The following GKAP1 variants were observed in gnomAD, a reference collection of about 807,000 sequenced individuals.
GKAP1 encodes G kinase-anchoring protein 1.
Under a neutral mutation model 56.7 loss-of-function variants are expected in GKAP1, and 31 were observed. The ratio of observed to expected loss-of-function variants is 0.55; its 90% CI spans 0.41 to 0.74. GKAP1 has a LOEUF of 0.74. Ranked by LOEUF, GKAP1 falls within the 30% of genes least tolerant of loss-of-function variation. GKAP1 has a pLI of 0.00. For missense variants in GKAP1, 364 were observed against 402.3 expected, an observed-to-expected ratio of 0.90 and a Z score of 0.82; for synonymous variants, 151 against 138.6, an observed-to-expected ratio of 1.09 and a Z score of -0.63.
intron 3 of GKAP1, among the ~76,000 whole-genome samples, chr9:83,804,885 G>T (rs1158889064): frequency 2.7e-5 from 4 of 150,572 alleles, no homozygotes; most frequent in African/African-American, 7.4e-5. Flanking sequence ...CCCCGTCCGG[G>T]AGGTGAGGGG....
intron 8 of GKAP1, among the ~76,000 whole-genome samples, chr9:83,756,915 A>C (rs753446118): frequency 2.5e-4 from 38 of 152,310 alleles, no homozygotes; most frequent in Non-Finnish European, 4.7e-4. Flanking sequence ...ATGTATACTC[A>C]TTTTCAATGA....
chr9:83,806,984 G>A (rs1487948306), intron 2 of GKAP1, among the ~76,000 whole-genome samples: 1 of 152,104 alleles, frequency 6.6e-6, no homozygotes, highest in Non-Finnish European at 1.5e-5. Flanking sequence ...AAAAAAAGGA[G>A]TAAAGACGGA....
intron 8 of GKAP1, 87 bp downstream of exon 8, chr9:83,768,731 A>G: frequency 9.0e-7 from 1 of 1,108,118 alleles, no homozygotes; most frequent in Non-Finnish European, 1.3e-6. Flanking sequence ...TACAATCATA[A>G]TTTGATTCTA....
chr9:83,742,053 A>G, intron 11 of GKAP1, 24 bp from the exon 12 acceptor site: 2 of 1,524,478 alleles, frequency 1.3e-6, no homozygotes, highest in Non-Finnish European at 1.8e-6. Flanking sequence ...TTCAATAAGA[A>G]AAAGAATTTT....
At chr9:83,772,574 CA>C (rs554478995) in intron 7 of GKAP1, among the ~76,000 whole-genome samples, 2 of 152,024 alleles carry the variant, frequency 1.3e-5, no homozygotes, top group African/African-American at 4.8e-5. Context: ...TTTTGTGCTT[CA>C]AAAGACACAA....
At chr9:83,804,643 T>C (rs1189778642) in intron 3 of GKAP1, among the ~76,000 whole-genome samples, 62 of 89,522 alleles carry the variant, frequency 6.9e-4, no homozygotes, top group Admixed American at 9.9e-4. Context: ...GCCCCCCGCC[T>C]GGCCAGCCGC....
chr9:83,806,353 T>G lies in GKAP1; in HGVS notation c.165A>C (p.Lys55Asn). 6.4e-7 allele frequency: 1 copy of G among 1,559,668 alleles called. No individual in the cohort carries two copies. Among genetic ancestry groups the G allele is most frequent in the Non-Finnish European group, 8.7e-7 (1 of 1,151,028 alleles). The change falls in exon 3 of 13, where the codon AAA becomes AAC. Residue 55 changes from lysine (K) to asparagine (N), a missense_variant. By Grantham distance (94) the Lys-to-Asn change is moderately conservative. Transcript: ENST00000376371. ...CCTTCTTTTTTCTTCTTTTCTCTCT[T>G]TTTTTCTCATTTGTAGTTGACTTGC... is the stretch of plus-strand genomic sequence containing the variant. Reference protein sequence around the residue: ...LGSKSTTNEKKREKRRKKKEQ... With the variant: ...LGSKSTTNEKNREKRRKKKEQ...
intron 5 of GKAP1, among the ~76,000 whole-genome samples, chr9:83,787,304 A>G (rs1944081379): frequency 6.6e-6 from 1 of 152,128 alleles, no homozygotes; most frequent in Non-Finnish European, 1.5e-5. Flanking sequence ...TGGGATGATC[A>G]TAGCTCACTG....
At chr9:83,801,851 T>G (rs904269443) in intron 3 of GKAP1, among the ~76,000 whole-genome samples, 1 of 152,330 alleles carries the variant, frequency 6.6e-6, no homozygotes, top group East Asian at 1.9e-4. Flanking sequence ...TATCATCCAG[T>G]GAGGAAAGTA....
intron 4 of GKAP1, among the ~76,000 whole-genome samples, chr9:83,791,401 T>TC (rs1944157697): frequency 2.0e-5 from 2 of 97,762 alleles, no homozygotes. Flanking sequence ...AGACTCCGTC[T>TC]CAAAAAAAAA....
At chr9:83,783,921 T>A (rs1295413417) in intron 6 of GKAP1, among the ~76,000 whole-genome samples, 1 of 152,182 alleles carries the variant, frequency 6.6e-6, no homozygotes. Flanking sequence ...AAACCCCAAA[T>A]GGTTTTAGTT....
intron 9 of GKAP1, among the ~76,000 whole-genome samples, chr9:83,750,052 A>T (rs1943362345): frequency 6.6e-6 from 1 of 152,184 alleles, no homozygotes. Context: ...TATTTCACCA[A>T]ACTCTATCTC....
chr9:83,753,155 T>C, intron 9 of GKAP1, 103 bp downstream of exon 9: 2 of 656,484 alleles, frequency 3.0e-6, no homozygotes, highest in South Asian at 3.8e-5. Flanking sequence ...ACAGAATGAC[T>C]ATTCCCATGA....
intron 8 of GKAP1, among the ~76,000 whole-genome samples, chr9:83,758,948 C>T (rs1416007575): frequency 6.6e-6 from 1 of 152,056 alleles, no homozygotes; most frequent in African/African-American, 2.4e-5. Context: ...TTTTAAACTG[C>T]ATGAATCCTC....
chr9:83,776,565 C>T (rs1034572532), intron 7 of GKAP1, among the ~76,000 whole-genome samples: 4 of 151,974 alleles, frequency 2.6e-5, no homozygotes, highest in Non-Finnish European at 5.9e-5. Flanking sequence ...CATGGTGGTG[C>T]ACATCTGTAG....
At position 83,771,310 on chromosome 9, in the gene GKAP1, T is replaced by G. The variant is rs548728652; in HGVS notation, c.586-2340A>C. Among the ~76,000 whole-genome samples, 14 of 152,210 alleles carry G rather than the reference T, an allele frequency of 9.2e-5. No homozygotes were observed. In the East Asian group the frequency reaches 2.5e-3, roughly 27 times the overall value. On this transcript the variant is annotated intron_variant, in intron 7 of 12. Transcript: ENST00000376371. ...TGTTGGCCAGTGGGTCTCAAACTCCTGACCTCAGGTGATCCACCCGCCTCA... is the reference window on the plus strand; with the variant it reads ...TGTTGGCCAGTGGGTCTCAAACTCCGGACCTCAGGTGATCCACCCGCCTCA...
chr9:83,754,075 G>A (rs1223497630), intron 8 of GKAP1, among the ~76,000 whole-genome samples: 1 of 152,050 alleles, frequency 6.6e-6, no homozygotes, highest in Non-Finnish European at 1.5e-5. Context: ...AATTATATAA[G>A]GCAAAATAAA....
chr9:83,755,611 G>A (rs1031607406), intron 8 of GKAP1, among the ~76,000 whole-genome samples: 1 of 151,332 alleles, frequency 6.6e-6, no homozygotes, highest in South Asian at 2.1e-4. Context: ...TCAAAAAAAA[G>A]AGGAAAAATG....
chr9:83,756,470 C>CAAAAAAAAAAAAAA (rs142896755), intron 8 of GKAP1, among the ~76,000 whole-genome samples: 9 of 75,438 alleles, frequency 1.2e-4, no homozygotes, highest in East Asian at 4.2e-4. Flanking sequence ...GACTCCATCT[C>CAAAAAAAAAAAAAA]AAAAAAAAAA....
Sources: gnomAD v4.1 joint callset for allele counts (sites outside exome capture counted in the v4.1 genomes callset) on GRCh38, gnomAD v4.1.1 for gene constraint, MANE v1.5 for transcripts, NCBI Gene and HGNC (gene_info 2026-07-23, HGNC 2026-07-21) for gene names.